Variants in CCT7 observed in about 807,000 individuals in gnomAD.
CCT7 encodes the protein chaperonin containing TCP1 subunit 7, also known as T-complex protein 1 subunit eta.
In CCT7, 16 loss-of-function variants were observed where a neutral mutation model predicts 56.6. The ratio of observed to expected loss-of-function variants is 0.28; its 90% CI spans 0.19 to 0.43. CCT7 has a LOEUF of 0.43. Among genes scored for constraint, CCT7 ranks in the 20% least tolerant of loss-of-function variants. The pLI is 1.00. For missense variants in CCT7, 519 were observed against 685.6 expected, an observed-to-expected ratio of 0.76 and a Z score of 2.71; for synonymous variants, 262 against 254.8, an observed-to-expected ratio of 1.03 and a Z score of -0.27.
rs1210531571 is a variant in CCT7 at position 73,244,062 on chromosome 2, T to TG, written c.446+16dup. On this transcript the variant is annotated intron_variant, in intron 5 of 11. Coordinates refer to ENST00000258091, the MANE Select transcript of CCT7 (RefSeq NM_006429.4). ...AGGCAGATAAAGTGTAAGTCTGTAG[T>TG]GGGTTTTTTTTTTTTTTTTTAAAGA... The TG allele has an allele frequency of 2.6e-6, 4 of 1,564,562 alleles. No individual in the cohort carries two copies. The highest frequency in any genetic ancestry group is 1.2e-5 in the South Asian group (1 of 84,054).
In CCT7 at chr2:73,252,843, T is replaced by C. The variant is rs1248298533; in HGVS notation, c.1614T>C (p.Gly538=). 4 of 1,613,442 alleles carry C rather than the reference T, an allele frequency of 2.5e-6. No individual in the cohort carries two copies. In the Admixed American group the frequency reaches 5.0e-5, roughly 20 times the overall value. Residue 538 remains glycine (G), a synonymous_variant, in exon 12 of 12, where the codon GGT becomes GGC. Transcript: ENST00000258091. ...CCACAGCAGCAGGCCGGGGCCGTGG[T>C]CGTGGCCGCCCCCACTGAGAGGCAC... ...DAPTAAGRGR[G]RGRPH
chr2:73,250,658 C>T (rs1251430733), intron 10 of CCT7, among the ~76,000 whole-genome samples: 3 of 151,900 alleles, frequency 2.0e-5, no homozygotes, highest in Non-Finnish European at 4.4e-5. Flanking sequence ...TTCTTTTAGC[C>T]GGGCGTGGTA....
chr2:73,243,162 C>T, intron 4 of CCT7, 33 bp downstream of exon 4: 1 of 1,602,906 alleles, frequency 6.2e-7, no homozygotes, highest in Non-Finnish European at 8.5e-7. Flanking sequence ...TCTCTTGGGC[C>T]TGGACACCTT....
At chr2:73,240,712 G>A (rs968644425) in intron 3 of CCT7, among the ~76,000 whole-genome samples, 169 bp downstream of exon 3, 5 of 151,924 alleles carry the variant, frequency 3.3e-5, no homozygotes, top group African/African-American at 1.2e-4. Context: ...ATACTATTTC[G>A]TTACATGTAG....
intron 6 of CCT7, among the ~76,000 whole-genome samples, chr2:73,246,081 G>C (rs980553009): frequency 2.0e-5 from 3 of 152,176 alleles, no homozygotes; most frequent in African/African-American, 7.2e-5. Context: ...AGCCACACTT[G>C]CGTTTTTCCG....
In CCT7 at chr2:73,239,647, C is replaced by T. The variant is rs770135028; in HGVS notation, c.11C>T (p.Thr4Ile). Residue 4 changes from threonine (T) to isoleucine (I), a missense_variant, in exon 2 of 12, where the codon ACA becomes ATA. Thr to Ile is a moderately conservative substitution (Grantham distance 89). Transcript: ENST00000258091. ...GTTAATTTCTTTCTTTTCTAGCCCA[C>T]ACCAGTTATCCTATTGAAAGAGGGG... MMPTPVILLKEGTD... is the reference protein window; with the variant it reads MMPIPVILLKEGTD... 2 of 1,613,638 alleles carry T rather than the reference C, an allele frequency of 1.2e-6. No homozygotes were observed. Among genetic ancestry groups the T allele is most frequent in the Non-Finnish European group, 1.7e-6 (2 of 1,179,652 alleles).
chr2:73,244,572 G>C lies in CCT7; in HGVS notation c.475G>C (p.Ala159Pro). Residue 159 changes from alanine (A) to proline (P), a missense_variant, in exon 6 of 12, where the codon GCC becomes CCC. By Grantham distance (27) the Ala-to-Pro change is conservative. This residue lies in a region of CCT7 where 276 missense variants were observed against 357.3 expected (regional missense o/e 0.77). Transcript: ENST00000258091. ...VEQRKLLEKCAMTALSSKLIS... is the reference protein window; with the variant it reads ...VEQRKLLEKCPMTALSSKLIS... The stretch of plus-strand genomic sequence containing the variant: ...GCAGAGGAAGCTGCTGGAAAAGTGT[G>C]CCATGACCGCTCTGAGCTCCAAGCT... 6.2e-7 allele frequency: 1 copy of C among 1,613,426 alleles called. No homozygotes were observed.
At chr2:73,242,116 T>TA (rs1687143361) in intron 3 of CCT7, among the ~76,000 whole-genome samples, 1 of 151,294 alleles carries the variant, frequency 6.6e-6, no homozygotes, top group Non-Finnish European at 1.5e-5. Context: ...GACTGAAAGT[T>TA]ACCTTTTTTT....
intron 1 of CCT7, chr2:73,237,764 TA>T (rs1188194522): frequency 6.6e-6 from 1 of 152,174 alleles, no homozygotes; most frequent in Non-Finnish European, 1.5e-5. Flanking sequence ...GACAAGCATT[TA>T]AAAAAATTTA....
At chr2:73,250,166 T>C (rs1361504434) in intron 9 of CCT7, 140 bp from the exon 10 acceptor site, 10 of 1,038,642 alleles carry the variant, frequency 9.6e-6, no homozygotes, top group Non-Finnish European at 1.4e-5. Flanking sequence ...CAAGAAAATG[T>C]CTATAAGGTT....
Position 73,249,885 on chromosome 2 carries a change from G to T in CCT7, c.1039G>T (p.Val347Leu). The T allele has an allele frequency of 1.2e-6, 2 of 1,613,818 alleles. No homozygotes were observed. The highest frequency in any genetic ancestry group is 8.5e-7 in the Non-Finnish European group (1 of 1,179,664). The change falls in exon 9 of 12, where the codon GTG becomes TTG. Residue 347 changes from valine to leucine, a missense_variant. Val to Leu is a conservative substitution (Grantham distance 32, BLOSUM62 1). This residue lies in a region of CCT7 where 237 missense variants were observed against 300.8 expected (regional missense o/e 0.79). Transcript: ENST00000258091. Reference protein sequence around the residue: ...LSADVLGRCQVFEETQIGGER... With the variant: ...LSADVLGRCQLFEETQIGGER... Reference sequence around the variant, plus strand: ...AGCAGATGTGCTGGGTCGATGCCAGGTGTTTGAAGAGACCCAGATTGGAGG... The same window carrying T: ...AGCAGATGTGCTGGGTCGATGCCAGTTGTTTGAAGAGACCCAGATTGGAGG...
chr2:73,244,065 G>GTTTT lies in CCT7; in HGVS notation c.446+30_446+33dup. ...CAGATAAAGTGTAAGTCTGTAGTGGGTTTTTTTTTTTTTTTTTAAAGAGAC... is the reference window on the plus strand; with the variant it reads ...CAGATAAAGTGTAAGTCTGTAGTGGGTTTTTTTTTTTTTTTTTTTTTAAAGAGAC... On this transcript the variant is annotated intron_variant, in intron 5 of 11. Transcript: ENST00000258091. The GTTTT allele has an allele frequency of 1.4e-5, 20 of 1,438,032 alleles. No individual in the cohort carries two copies. Among genetic ancestry groups the GTTTT allele is most frequent in the South Asian group, 5.1e-5 (4 of 78,088 alleles). 89.1% of individuals were successfully genotyped at this position (1,438,032 alleles called of 1,614,324 possible).
chr2:73,242,877 C>T (rs1687174483), intron 3 of CCT7, 127 bp from the exon 4 acceptor site: 1 of 1,148,068 alleles, frequency 8.7e-7, no homozygotes, highest in Non-Finnish European at 1.2e-6. Flanking sequence ...ACCTGTGCTT[C>T]CAGAAAAAAG....
Position 73,249,089 on chromosome 2 carries a change from C to T in CCT7, c.882C>T (p.Pro294=), listed in dbSNP as rs774738780. The T allele has an allele frequency of 6.2e-7, 1 of 1,614,160 alleles. No individual in the cohort carries two copies. Among genetic ancestry groups the T allele is most frequent in the East Asian group, 2.2e-5 (1 of 44,880 alleles). ...SGAKVVLSKL[P]IGDVATQYFA... ...CCAAAGTTGTCTTGTCCAAACTCCC[C>T]ATTGGGGATGTGGCCACCCAGTACT... Residue 294 remains proline (P), a synonymous_variant, in exon 8 of 12, where the codon CCC becomes CCT. Transcript: ENST00000258091.
At chr2:73,240,633 ATATAAT>A (rs983866341) in intron 3 of CCT7, 90 bp downstream of exon 3, 7 of 626,262 alleles carry the variant, frequency 1.1e-5, no homozygotes, top group African/African-American at 9.5e-5. Flanking sequence ...TTAAGATTTT[ATATAAT>A]TATAATTGTA....
chr2:73,243,667 G>A (rs2103783529), intron 4 of CCT7, among the ~76,000 whole-genome samples: 1 of 152,272 alleles, frequency 6.6e-6, no homozygotes, highest in South Asian at 2.1e-4. Context: ...GGTGTTTTTA[G>A]TAAACCAGGA....
rs1339707666 is a variant in CCT7 at position 73,249,942 on chromosome 2, C to T, written c.1070+26C>T. 2.7e-6 allele frequency: 4 copies of T among 1,474,704 alleles called. No individual in the cohort carries two copies. In the African/African-American group the frequency reaches 5.5e-5, roughly 20 times the overall value. The allele number at this position is 1,474,704 out of a possible 1,614,324, so 91.4% of individuals were successfully genotyped here. A position where few individuals can be genotyped will look rare whatever the true frequency, so the allele number is the denominator to read the frequency against. ...GTGAGCCGTGGGCCCAGGCCGAGCTCACAAACCTGCCTGGGTCTGGTCTTC... is the reference window on the plus strand; with the variant it reads ...GTGAGCCGTGGGCCCAGGCCGAGCTTACAAACCTGCCTGGGTCTGGTCTTC... On this transcript the variant is annotated intron_variant, in intron 9 of 11. Coordinates refer to ENST00000258091, the MANE Select transcript of CCT7 (RefSeq NM_006429.4).
In CCT7 at chr2:73,251,346, T is replaced by C. The variant is rs1168527986; in HGVS notation, c.1324T>C (p.Leu442=). The C allele has an allele frequency of 6.2e-7, 1 of 1,614,082 alleles. No individual in the cohort carries two copies. The highest frequency in any genetic ancestry group is 1.3e-5 in the African/African-American group (1 of 74,932). The change falls in exon 11 of 12, where the codon TTG becomes CTG. Residue 442 remains leucine (L), a synonymous_variant. Transcript: ENST00000258091. Reference sequence around the variant, plus strand: ...GTTGATTGGGGCATATGCCAAGGCCTTGGAGATTATCCCACGCCAGCTGTG... The same window carrying C: ...GTTGATTGGGGCATATGCCAAGGCCCTGGAGATTATCCCACGCCAGCTGTG... The part of the protein sequence containing the change: ...QLLIGAYAKA[L]EIIPRQLCDN...
intron 9 of CCT7, 131 bp from the exon 10 acceptor site, chr2:73,250,175 T>C: frequency 9.0e-7 from 1 of 1,112,408 alleles, no homozygotes; most frequent in African/African-American, 1.6e-5. Context: ...GTCTATAAGG[T>C]TGGGATTGGG....
Sources: allele counts gnomAD v4.1 joint callset (sites outside exome capture counted in the v4.1 genomes callset), GRCh38; gene constraint gnomAD v4.1.1; regional missense constraint gnomAD v4.1.1; transcripts MANE v1.5; gene names NCBI Gene and HGNC (gene_info 2026-07-23, HGNC 2026-07-21).